Variants in CDK19 observed in about 807,000 individuals in gnomAD.
CDK19 encodes the protein cyclin dependent kinase 19.
CDK19 carries 20 observed loss-of-function variants against 68.3 expected under a neutral mutation model. That is an observed-to-expected ratio of 0.29 (90% CI 0.21 to 0.43). CDK19 has a LOEUF of 0.43. Ranked by LOEUF, CDK19 falls within the 20% of genes least tolerant of loss-of-function variation. The pLI is 1.00. For synonymous variants in CDK19, 221 were observed against 222.8 expected, an observed-to-expected ratio of 0.99 and a Z score of 0.07; for missense variants, 339 against 623.5, an observed-to-expected ratio of 0.54 and a Z score of 4.86.
At chr6:110,746,681 C>A (rs1177258668) in intron 1 of CDK19, among the ~76,000 whole-genome samples, 1 of 152,142 alleles carries the variant, frequency 6.6e-6, no homozygotes. Flanking sequence ...TGTATCTCAC[C>A]TAGCATGGGG....
chr6:110,792,203 T>C lies in CDK19; in HGVS notation c.128+22806A>G, dbSNP rs147613194. Among the ~76,000 whole-genome samples the C allele has an allele frequency of 5.7e-3, 861 of 151,310 alleles. 11 individuals are homozygous for C. Among genetic ancestry groups the C allele is most frequent in the African/African-American group, 0.02 (827 of 41,228 alleles). On this transcript the variant is annotated intron_variant, in intron 1 of 12. Coordinates refer to ENST00000368911, the MANE Select transcript of CDK19 (RefSeq NM_015076.5). ...CCAGGATGGTCTCGATCTCTTGACC[T>C]TGTGATCCACCCACCTCGGCCTCCC...
At chr6:110,655,908 T>C (rs1402654202) in intron 4 of CDK19, among the ~76,000 whole-genome samples, 1 of 152,194 alleles carries the variant, frequency 6.6e-6, no homozygotes, top group South Asian at 2.1e-4. Flanking sequence ...TCCACCATAA[T>C]CTGGTCCTCT....
At chr6:110,657,111 A>G (rs1457830509) in intron 4 of CDK19, among the ~76,000 whole-genome samples, 1 of 152,226 alleles carries the variant, frequency 6.6e-6, no homozygotes, top group Admixed American at 6.5e-5. Flanking sequence ...ACTGATGAAG[A>G]AAGAGAGGCC....
intron 1 of CDK19, among the ~76,000 whole-genome samples, chr6:110,793,521 A>G (rs979773449): frequency 3.9e-5 from 6 of 152,234 alleles, no homozygotes; most frequent in African/African-American, 1.4e-4. Flanking sequence ...TGTGGGAGAC[A>G]GTTATAGTTC....
In CDK19 at chr6:110,815,113, C is replaced by T; in HGVS notation, c.24G>A (p.Lys8=). 6.2e-7 allele frequency: 1 copy of T among 1,602,298 alleles called. No homozygotes were observed. The highest frequency in any genetic ancestry group is 8.5e-7 in the Non-Finnish European group (1 of 1,175,436). ...CCACCCGCTCCCGCTCCGCCGCCAGCTTCGCCTTGAAATCATAATCCATTG... is the reference window on the plus strand; with the variant it reads ...CCACCCGCTCCCGCTCCGCCGCCAGTTTCGCCTTGAAATCATAATCCATTG... MDYDFKA[K]LAAERERVED... Residue 8 remains lysine (K), a synonymous_variant, in exon 1 of 13, where the codon AAG becomes AAA. Transcript: ENST00000368911.
At chr6:110,758,886 C>T (rs936497615) in intron 1 of CDK19, among the ~76,000 whole-genome samples, 4 of 152,046 alleles carry the variant, frequency 2.6e-5, no homozygotes, top group Non-Finnish European at 4.4e-5. Context: ...CAAAAATCTT[C>T]TCCCCTTAGG....
intron 4 of CDK19, chr6:110,643,186 C>CT: frequency 1.6e-6 from 2 of 1,287,764 alleles, no homozygotes; most frequent in African/African-American, 3.0e-5. Flanking sequence ...GGAGGAAACA[C>CT]TTACCAACTT....
At chr6:110,709,372 G>A (rs2114681336) in intron 2 of CDK19, among the ~76,000 whole-genome samples, 2 of 152,206 alleles carry the variant, frequency 1.3e-5, no homozygotes, top group East Asian at 3.9e-4. Flanking sequence ...GGAGGGCTGG[G>A]GGAGGGATGG....
intron 5 of CDK19, among the ~76,000 whole-genome samples, chr6:110,635,545 C>T (rs1038119343): frequency 6.6e-6 from 1 of 152,022 alleles, no homozygotes; most frequent in Admixed American, 6.6e-5. Context: ...ACTCCCCCTC[C>T]CCCACCGCCT....
intron 12 of CDK19, among the ~76,000 whole-genome samples, chr6:110,620,162 A>C (rs1483855014): frequency 6.6e-6 from 1 of 152,086 alleles, no homozygotes; most frequent in Non-Finnish European, 1.5e-5. Flanking sequence ...AGTTTTTCAG[A>C]GTAGTTGTGT....
rs553231337 is a variant in CDK19 at position 110,731,242 on chromosome 6, T to C, written c.204+14884A>G. Among the ~76,000 whole-genome samples, 79 of 152,176 alleles carry C rather than the reference T, an allele frequency of 5.2e-4. 1 individual carries two copies. The highest frequency in any genetic ancestry group is 9.6e-4 in the Non-Finnish European group (65 of 68,034). ...GCATTTTAACAAGATCCCCAGGTGA[T>C]ACGTAGGGCCATAAAATCTGAAAAT... On this transcript the variant is annotated intron_variant, in intron 2 of 12. Transcript: ENST00000368911.
At chr6:110,729,622 T>TA (rs1554213576) in intron 2 of CDK19, among the ~76,000 whole-genome samples, 1 of 147,970 alleles carries the variant, frequency 6.8e-6, no homozygotes, top group Non-Finnish European at 1.5e-5. Context: ...TTTTTTTTTT[T>TA]AGTAGAGATG....
At chr6:110,684,416 C>T (rs568114428) in intron 2 of CDK19, among the ~76,000 whole-genome samples, 16 of 114,106 alleles carry the variant, frequency 1.4e-4, no homozygotes, top group African/African-American at 5.7e-4. Context: ...ATCCTTTTCT[C>T]TCCTTGAAAT....
At chr6:110,644,086 G>A (rs1780379579) in intron 4 of CDK19, among the ~76,000 whole-genome samples, 1 of 152,092 alleles carries the variant, frequency 6.6e-6, no homozygotes, top group Non-Finnish European at 1.5e-5. Flanking sequence ...AAGGTCAGGA[G>A]TTTGAGACCA....
intron 1 of CDK19, among the ~76,000 whole-genome samples, chr6:110,773,217 T>A (rs1372366793): frequency 3.3e-5 from 5 of 151,674 alleles, no homozygotes; most frequent in Admixed American, 6.6e-5. Context: ...TGATGGTGCG[T>A]GTCTGTAGTT....
chr6:110,760,022 C>T (rs1429265819), intron 1 of CDK19, among the ~76,000 whole-genome samples: 1 of 152,158 alleles, frequency 6.6e-6, no homozygotes, highest in Admixed American at 6.5e-5. Flanking sequence ...GTAATACTAT[C>T]CAATACAACA....
chr6:110,779,540 G>T (rs935408506), intron 1 of CDK19, among the ~76,000 whole-genome samples: 1 of 152,146 alleles, frequency 6.6e-6, no homozygotes, highest in African/African-American at 2.4e-5. Context: ...CTTAGCACAA[G>T]GTCTAGACTA....
intron 2 of CDK19, among the ~76,000 whole-genome samples, chr6:110,716,709 T>G (rs1024447101): frequency 6.6e-6 from 1 of 152,170 alleles, no homozygotes; most frequent in Non-Finnish European, 1.5e-5. Flanking sequence ...TATAGATATA[T>G]AGAGAACAAA....
intron 12 of CDK19, among the ~76,000 whole-genome samples, chr6:110,614,946 C>A (rs1778219099): frequency 6.6e-6 from 1 of 152,106 alleles, no homozygotes; most frequent in South Asian, 2.1e-4. Context: ...TTCAGCGGAC[C>A]CATTTCTCTT....
Sources: allele counts gnomAD v4.1 joint callset (sites outside exome capture counted in the v4.1 genomes callset), GRCh38; gene constraint gnomAD v4.1.1; transcripts MANE v1.5; gene names NCBI Gene and HGNC (gene_info 2026-07-23, HGNC 2026-07-21).